AIFM3: variants seen among roughly 807,000 people sequenced by gnomAD.
The protein encoded by AIFM3 is apoptosis-inducing factor 3.
A neutral mutation model predicts 82.7 loss-of-function variants in AIFM3; 71 were observed. The ratio of observed to expected loss-of-function variants is 0.86; its 90% confidence interval spans 0.71 to 1.05. The LOEUF (loss-of-function observed/expected upper bound fraction) is 1.05. Among genes scored for constraint, AIFM3 ranks in the 50% least tolerant of loss-of-function variants. The pLI is 0.00. For synonymous variants in AIFM3, 337 were observed against 329.1 expected, an observed-to-expected ratio of 1.02 and a Z score of -0.26; for missense variants, 748 against 816.7, an observed-to-expected ratio of 0.92 and a Z score of 1.03.
In AIFM3 at chr22:20,976,671, C is replaced by G; in HGVS notation, c.1051C>G (p.Leu351Val). ...ACCAGGGATGGAGGTGGCCGCTTAC[C>G]TGACGGAGAAGGCCCACTCTGTGTC... ...GFLGMEVAAY[L>V]TEKAHSVSVV... The change falls in exon 12 of 21, where the codon CTG becomes GTG. Residue 351 changes from leucine (L) to valine (V), a missense_variant. By Grantham distance (32) the Leu-to-Val change is conservative. Transcript: ENST00000440238. The G allele has an allele frequency of 6.2e-7, 1 of 1,609,896 alleles. No homozygotes were observed. The highest frequency in any genetic ancestry group is 8.5e-7 in the Non-Finnish European group (1 of 1,178,032).
intron 2 of AIFM3, among the ~76,000 whole-genome samples, chr22:20,970,764 T>C (rs1923219924): frequency 6.6e-6 from 1 of 152,166 alleles, no homozygotes; most frequent in African/African-American, 2.4e-5. Context: ...CCCGGCCAAC[T>C]GGCAATTTTT....
At chr22:20,980,149 G>C in intron 19 of AIFM3, 25 bp downstream of exon 19, 1 of 1,600,218 alleles carries the variant, frequency 6.2e-7, no homozygotes, top group South Asian at 1.1e-5. Context: ...GGGAAGCCTG[G>C]GGGTGGGAGT....
chr22:20,979,407 C>A (rs759753361), intron 17 of AIFM3, 38 bp downstream of exon 17: 1 of 549,206 alleles, frequency 1.8e-6, no homozygotes, highest in South Asian at 2.3e-5. Flanking sequence ...GGGCCGAGGG[C>A]GTTTAGGGGC....
In AIFM3 at chr22:20,973,046, C is replaced by CAAA. The variant is rs3045996; in HGVS notation, c.32-252_32-250dup. On this transcript the variant is annotated intron_variant, in intron 2 of 20. Coordinates refer to ENST00000440238, the MANE Select transcript of AIFM3 (RefSeq NM_001386814.1). ...TGGGCGACAGAGTGAGACCCTGTCT[C>CAAA]AAAAAAAAAAAGAAAAAAGAGACAT... is the stretch of plus-strand genomic sequence containing the variant. Among the ~76,000 whole-genome samples, 854 of 144,626 alleles carry CAAA rather than the reference C, an allele frequency of 5.9e-3. 24 individuals are homozygous for CAAA. The highest frequency in any genetic ancestry group is 0.021 in the Middle Eastern group (6 of 282). 94.9% of individuals were successfully genotyped at this position (144,626 alleles called of 152,430 possible).
In AIFM3 at chr22:20,974,605, G is replaced by A. The variant is rs1289009415; in HGVS notation, c.591G>A (p.Val197=). 6.2e-7 allele frequency: 1 copy of A among 1,613,798 alleles called. No homozygotes were observed. The highest frequency in any genetic ancestry group is 1.7e-5 in the Admixed American group (1 of 59,960). Residue 197 remains valine (V), a synonymous_variant, in exon 7 of 21, where the codon GTG becomes GTA. Transcript: ENST00000440238. ...PSAGYSSSTN[V]LIVGAGAAGL... is the part of the protein sequence containing the mutation. ...CTGGGTACAGCAGTAGCACCAATGT[G>A]CTCATTGTGGGTGCAGGTTGGTAGT... is the stretch of plus-strand genomic sequence containing the variant.
chr22:20,969,632 T>C (rs1372713128), intron 2 of AIFM3, among the ~76,000 whole-genome samples: 1 of 152,164 alleles, frequency 6.6e-6, no homozygotes, highest in East Asian at 1.9e-4. Flanking sequence ...GGTTTCACCG[T>C]GTTAGCCAGG....
Position 20,974,506 on chromosome 22 carries a change from A to G in AIFM3, c.511-19A>G. On this transcript the variant is annotated intron_variant, in intron 6 of 20. Coordinates refer to ENST00000440238, the MANE Select transcript of AIFM3 (RefSeq NM_001386814.1). ...ATGCAGAGGATGGCAGTGACCCTCC[A>G]CCCTCCTGGCACCCACAGGCCCTAC... The G allele has an allele frequency of 6.2e-7, 1 of 1,604,602 alleles. No individual in the cohort carries two copies. The highest frequency in any genetic ancestry group is 2.2e-5 in the East Asian group (1 of 44,544).
intron 8 of AIFM3, 34 bp downstream of exon 8, chr22:20,974,850 C>T (rs1402771547): frequency 1.3e-6 from 2 of 1,599,782 alleles, no homozygotes; most frequent in Non-Finnish European, 1.7e-6. Flanking sequence ...GACCCTATCC[C>T]TCTGGGTCCC....
intron 2 of AIFM3, among the ~76,000 whole-genome samples, chr22:20,971,246 A>G (rs534334846): frequency 6.6e-6 from 1 of 152,196 alleles, no homozygotes; most frequent in African/African-American, 2.4e-5. Context: ...ACATTCTAAC[A>G]CCATTACATA....
chr22:20,978,116 C>G, intron 16 of AIFM3, 111 bp downstream of exon 16: 1 of 1,025,252 alleles, frequency 9.8e-7, no homozygotes, highest in Admixed American at 2.0e-5. Context: ...TGTTAGGCAT[C>G]AAAGCTCTGA....
intron 19 of AIFM3, 180 bp downstream of exon 19, chr22:20,980,304 C>A: frequency 1.6e-6 from 1 of 624,466 alleles, no homozygotes; most frequent in Non-Finnish European, 2.8e-6. Flanking sequence ...TGAGAGCAGG[C>A]TGGTTATGTG....
intron 16 of AIFM3, among the ~76,000 whole-genome samples, chr22:20,978,772 T>G (rs941238541): frequency 6.6e-6 from 1 of 152,022 alleles, no homozygotes; most frequent in Non-Finnish European, 1.5e-5. Flanking sequence ...CCAAGTATAA[T>G]TAGGATTTAA....
rs115290777 is a variant in AIFM3 at position 20,968,792 on chromosome 22, C to T, written c.31+817C>T. Among the ~76,000 whole-genome samples the T allele has an allele frequency of 4.7e-3, 717 of 152,212 alleles. 3 individuals carry two copies. Among genetic ancestry groups the T allele is most frequent in the African/African-American group, 0.016 (673 of 41,492 alleles). ...GTGCTCCACTCAACCTGCCAGGCCACGCTGCCCCAGCCAGCTCACCCCAGC... is the reference window on the plus strand; with the variant it reads ...GTGCTCCACTCAACCTGCCAGGCCATGCTGCCCCAGCCAGCTCACCCCAGC... On this transcript the variant is annotated intron_variant, in intron 2 of 20. Coordinates refer to ENST00000440238, the MANE Select transcript of AIFM3 (RefSeq NM_001386814.1).
intron 1 of AIFM3, among the ~76,000 whole-genome samples, chr22:20,967,559 C>A (rs149150347): frequency 4.7e-4 from 72 of 152,152 alleles, no homozygotes; most frequent in African/African-American, 1.7e-3. Flanking sequence ...AAGGCAGCCG[C>A]GGGGCTGGAC....
At chr22:20,977,798 G>T (rs775679682) in intron 15 of AIFM3, 22 bp downstream of exon 15, 63 of 1,613,948 alleles carry the variant, frequency 3.9e-5, no homozygotes, top group Non-Finnish European at 5.3e-5. Context: ...GGCACTGGGT[G>T]GGGAGGACCC....
At chr22:20,976,386 C>T (rs1923662445) in intron 10 of AIFM3, 22 bp from the exon 11 acceptor site, 6 of 1,613,812 alleles carry the variant, frequency 3.7e-6, no homozygotes, top group Non-Finnish European at 5.1e-6. Flanking sequence ...AGGAGGCCCT[C>T]ACTGACACGG....
At chr22:20,969,312 T>C (rs1419788171) in intron 2 of AIFM3, among the ~76,000 whole-genome samples, 6 of 152,188 alleles carry the variant, frequency 3.9e-5, no homozygotes, top group Admixed American at 3.9e-4. Flanking sequence ...AATCCAGCCC[T>C]GCCCCTTTCT....
intron 2 of AIFM3, among the ~76,000 whole-genome samples, chr22:20,972,526 A>C (rs1290499213): frequency 6.6e-6 from 1 of 152,116 alleles, no homozygotes; most frequent in Non-Finnish European, 1.5e-5. Context: ...TGAACCCTTG[A>C]CTTCCTGTCA....
upstream of AIFM3, chr22:20,966,888 T>G (rs1380586400): frequency 6.6e-6 from 1 of 152,574 alleles, no homozygotes; most frequent in Non-Finnish European, 1.5e-5. Context: ...ATGCCCCTGC[T>G]GCTTGACCTT....
Sources: allele counts gnomAD v4.1 joint callset (sites outside exome capture counted in the v4.1 genomes callset), GRCh38; gene constraint gnomAD v4.1.1; transcripts MANE v1.5; gene names NCBI Gene and HGNC (gene_info 2026-07-23, HGNC 2026-07-21).